VAV2: variants seen among roughly 807,000 people sequenced by gnomAD.
The protein encoded by VAV2 is vav guanine nucleotide exchange factor 2, also known as guanine nucleotide exchange factor VAV2.
In VAV2, 67 loss-of-function variants were observed where a neutral mutation model predicts 132.5. The ratio of observed to expected loss-of-function variants is 0.51; its 90% CI spans 0.42 to 0.62. The LOEUF (loss-of-function observed/expected upper bound fraction) is 0.62. Ranked by LOEUF, VAV2 falls within the 20% of genes least tolerant of loss-of-function variation. The pLI, the probability that VAV2 is intolerant of heterozygous loss-of-function variation, is 0.00. For synonymous variants in VAV2, 492 were observed against 443.5 expected (o/e 1.11, Z -1.37); for missense variants, 938 against 1,153.6 (o/e 0.81, Z 2.71).
At chr9:133,777,594 A>G in intron 22 of VAV2, 131 bp from the exon 23 acceptor site, 1 of 887,646 alleles carries the variant, frequency 1.1e-6, no homozygotes. Context: ...CTTCTTTCCC[A>G]ACCTCAGCTG....
chr9:133,964,948 C>T (rs1564508670), intron 1 of VAV2, among the ~76,000 whole-genome samples: 2 of 152,048 alleles, frequency 1.3e-5, no homozygotes, highest in Admixed American at 6.6e-5. Flanking sequence ...TCTTATTCAA[C>T]GTAGTACTAG....
chr9:133,847,358 C>T (rs537509466), intron 3 of VAV2, among the ~76,000 whole-genome samples: 119 of 152,324 alleles, frequency 7.8e-4, no homozygotes, highest in Non-Finnish European at 1.5e-3. Context: ...CGCGCCTCAG[C>T]GTGAGCAGCC....
At chr9:133,980,912 C>T (rs1407869054) in intron 1 of VAV2, among the ~76,000 whole-genome samples, 1 of 150,156 alleles carries the variant, frequency 6.7e-6, no homozygotes, top group African/African-American at 2.5e-5. Flanking sequence ...CAACCCTTAG[C>T]TACCAAAAGC....
chr9:133,781,835 AG>A (rs1834018598), intron 19 of VAV2, among the ~76,000 whole-genome samples: 1 of 152,252 alleles, frequency 6.6e-6, no homozygotes, highest in African/African-American at 2.4e-5. Flanking sequence ...GGTGCCAGCC[AG>A]GGCGCTGCCA....
chr9:133,918,767 GTGTT>G lies in VAV2; in HGVS notation c.321+20332_321+20335del, dbSNP rs555729648. On this transcript the variant is annotated intron_variant, in intron 2 of 29. Transcript: ENST00000371850. This position sits in a 1 kb window ranked among gnomAD's most constrained non-coding sequence, Gnocchi z 4.7. ...AGAAGCAGCCGCCATGTGTGTGTGTGTGTTTGTTTGTTTGTTTGTTTGTTTTGAG... is the reference window on the plus strand; with the variant it reads ...AGAAGCAGCCGCCATGTGTGTGTGTGTGTTTGTTTGTTTGTTTGTTTTGAG... Among the ~76,000 whole-genome samples the G allele has an allele frequency of 0.022, 3,404 of 151,876 alleles. 102 individuals carry two copies. Among genetic ancestry groups the G allele is most frequent in the African/African-American group, 0.071 (2,923 of 41,352 alleles).
At position 133,834,476 on chromosome 9, in the gene VAV2, C is replaced by A; in HGVS notation, c.381-136G>T. 1.1e-6 allele frequency: 1 copy of A among 877,636 alleles called. No individual in the cohort carries two copies. 54.4% of individuals were successfully genotyped at this position (877,636 alleles called of 1,614,324 possible). A position where few individuals can be genotyped will look rare whatever the true frequency, so the allele number is the denominator to read the frequency against. On this transcript the variant is annotated intron_variant, in intron 3 of 29. Transcript: ENST00000371850. The surrounding 1 kb of genome is among the most constrained non-coding windows in gnomAD (Gnocchi z 5.9). The stretch of plus-strand genomic sequence containing the variant: ...GGCTCTTGTCCACTCTCTGGAAGGA[C>A]ACAGGGTGCGCGGACACTGATCGGA...
chr9:133,839,749 T>G (rs766190728), intron 3 of VAV2, among the ~76,000 whole-genome samples: 22 of 152,306 alleles, frequency 1.4e-4, no homozygotes, highest in Non-Finnish European at 3.1e-4. Flanking sequence ...ATGCCCAGCC[T>G]ACACGAGGAG....
Position 133,834,361 on chromosome 9 carries a change from G to C in VAV2, c.381-21C>G, listed in dbSNP as rs4078571. ...AAGGCCTGCGGAAGAGAAGGCGAGAGGGAGGTGAGCAGGTCCCGGCACTGC... is the reference window on the plus strand; with the variant it reads ...AAGGCCTGCGGAAGAGAAGGCGAGACGGAGGTGAGCAGGTCCCGGCACTGC... On this transcript the variant is annotated intron_variant, in intron 3 of 29. Transcript: ENST00000371850. This position sits in a 1 kb window ranked among gnomAD's most constrained non-coding sequence, Gnocchi z 5.9. 2.6e-3 allele frequency: 4,134 copies of C among 1,608,910 alleles called. 136 individuals carry two copies. In the Admixed American group the frequency reaches 0.06, roughly 23 times the overall value.
chr9:133,901,974 T>C (rs1172054734), intron 2 of VAV2, among the ~76,000 whole-genome samples: 1 of 152,150 alleles, frequency 6.6e-6, no homozygotes, highest in East Asian at 1.9e-4. Context: ...CATCTCTGCC[T>C]GCCTTAGTGG....
At chr9:133,923,256 G>A (rs568146145) in intron 2 of VAV2, among the ~76,000 whole-genome samples, 12 of 152,270 alleles carry the variant, frequency 7.9e-5, no homozygotes, top group East Asian at 3.9e-4. Context: ...AAATGGTGAC[G>A]CCACTGGGGA....
intron 3 of VAV2, among the ~76,000 whole-genome samples, chr9:133,860,775 T>G (rs1837563755): frequency 6.6e-6 from 1 of 152,202 alleles, no homozygotes. Flanking sequence ...GAATCCACAG[T>G]GACCAGTTCT....
At chr9:133,938,757 G>A (rs1047560454) in intron 2 of VAV2, among the ~76,000 whole-genome samples, 1 of 152,128 alleles carries the variant, frequency 6.6e-6, no homozygotes, top group African/African-American at 2.4e-5. Context: ...TCAAGATTCA[G>A]GGCAGGAGGT....
At chr9:133,859,335 G>A (rs1021214203) in intron 3 of VAV2, among the ~76,000 whole-genome samples, 4 of 152,232 alleles carry the variant, frequency 2.6e-5, no homozygotes, top group African/African-American at 7.2e-5. Context: ...AGCCTGACAC[G>A]GGCACAGCTG....
intron 4 of VAV2, among the ~76,000 whole-genome samples, chr9:133,825,071 G>A (rs1456365170): frequency 6.6e-6 from 1 of 152,206 alleles, no homozygotes; most frequent in Non-Finnish European, 1.5e-5. Context: ...AGAAGCCCAG[G>A]TGGGGCCGAG....
At chr9:133,966,396 T>C (rs1483544840) in intron 1 of VAV2, among the ~76,000 whole-genome samples, 1 of 152,220 alleles carries the variant, frequency 6.6e-6, no homozygotes, top group East Asian at 1.9e-4. Flanking sequence ...ACAAGGGATT[T>C]TTAATAACCA....
rs1258231963 is a variant in VAV2 at position 133,784,396 on chromosome 9, CTT to C, written c.1553_1554del (p.Lys518SerfsTer14). On this transcript the variant is annotated frameshift_variant, in exon 18 of 30. Coordinates refer to ENST00000371850, the MANE Select transcript of VAV2 (RefSeq NM_001134398.2). LOFTEE classifies it high-confidence loss of function. The part of the protein sequence containing the change: ...EMAMSNIKPD[K>X]ANANHHSFQM... ...TGGAAACTGTGGTGGTTGGCATTGG[CTT>C]TGTCTGGCTTGATGTTTGACCTGGC... 1 of 1,614,184 alleles carries C rather than the reference CTT, an allele frequency of 6.2e-7. No homozygotes were observed. The highest frequency in any genetic ancestry group is 8.5e-7 in the Non-Finnish European group (1 of 1,180,014).
At chr9:133,851,819 G>A (rs1193426419) in intron 3 of VAV2, among the ~76,000 whole-genome samples, 4 of 147,138 alleles carry the variant, frequency 2.7e-5, no homozygotes, top group Non-Finnish European at 4.4e-5. Context: ...ATGGATGGAT[G>A]GATGGATGGA....
At chr9:133,924,271 T>G (rs1235807998) in intron 2 of VAV2, among the ~76,000 whole-genome samples, 1 of 152,048 alleles carries the variant, frequency 6.6e-6, no homozygotes, top group African/African-American at 2.4e-5. Context: ...CAACCTCCAA[T>G]TCCCGGGTTC....
rs1564448762 is a variant in VAV2 at position 133,900,036 on chromosome 9, ATAAAT to A, written c.322-38609_322-38605del. On this transcript the variant is annotated intron_variant, in intron 2 of 29. Coordinates refer to ENST00000371850, the MANE Select transcript of VAV2 (RefSeq NM_001134398.2). ...ACTCCATCTCAAAAAAAATAAATAA[ATAAAT>A]AAATAAAAATAGCTGGGCATAGTGG... is the stretch of plus-strand genomic sequence containing the variant. Among the ~76,000 whole-genome samples, 26 of 149,692 alleles carry A rather than the reference ATAAAT, an allele frequency of 1.7e-4. 1 individual carries two copies. Among genetic ancestry groups the A allele is most frequent in the African/African-American group, 5.4e-4 (22 of 40,910 alleles).
Sources: allele counts gnomAD v4.1 joint callset (sites outside exome capture counted in the v4.1 genomes callset), GRCh38; gene constraint gnomAD v4.1.1; non-coding constraint Gnocchi (gnomAD v3.1); transcripts MANE v1.5; gene names NCBI Gene and HGNC (gene_info 2026-07-23, HGNC 2026-07-21).